Variants in YTHDF3 observed in about 807,000 individuals in gnomAD.
YTHDF3 encodes YTH N6-methyladenosine RNA binding protein F3.
YTHDF3 carries 9 observed loss-of-function variants against 52.5 expected under a neutral mutation model. That is an observed-to-expected ratio of 0.17 (90% CI 0.10 to 0.30). The LOEUF (loss-of-function observed/expected upper bound fraction) is 0.30. Among genes scored for constraint, YTHDF3 ranks in the 10% least tolerant of loss-of-function variants. The probability of loss-of-function intolerance (pLI) is 1.00; values close to 1 mark genes in which losing one functional copy is unlikely to be tolerated. For synonymous variants in YTHDF3, 274 were observed against 243.3 expected (o/e 1.13, Z -1.18); for missense variants, 534 against 715.0 (o/e 0.75, Z 2.89).
chr8:63,172,324 C>CT (rs1330552322), intron 2 of YTHDF3, among the ~76,000 whole-genome samples: 3 of 152,110 alleles, frequency 2.0e-5, no homozygotes, highest in African/African-American at 7.2e-5. Flanking sequence ...TTACTGCCTC[C>CT]TTTCTCCTCT....
chr8:63,201,233 A>G (rs1809621551), intron 4 of YTHDF3, among the ~76,000 whole-genome samples: 2 of 152,334 alleles, frequency 1.3e-5, no homozygotes, highest in East Asian at 1.9e-4. Context: ...ATGTGTTTAT[A>G]TAGAGATTTA....
Position 63,187,560 on chromosome 8 carries a change from C to T in YTHDF3, c.1549C>T (p.Arg517Trp). Reference protein sequence around the residue: ...FVKDVPNNQLRHIRLENNDNK... With the variant: ...FVKDVPNNQLWHIRLENNDNK... ...CAAAGATGTTCCCAATAACCAATTACGGCATATTCGCTTAGAAAATAATGA... is the reference window on the plus strand; with the variant it reads ...CAAAGATGTTCCCAATAACCAATTATGGCATATTCGCTTAGAAAATAATGA... The change falls in exon 4 of 5, where the codon CGG (arginine) becomes TGG (tryptophan). Residue 517 changes from arginine (R) to tryptophan (W), a missense_variant. Arg to Trp is a moderately radical substitution (Grantham distance 101). Transcript: ENST00000539294. The T allele has an allele frequency of 1.9e-6, 3 of 1,613,866 alleles. No homozygotes were observed. The highest frequency in any genetic ancestry group is 1.7e-6 in the Non-Finnish European group (2 of 1,179,852).
intron 4 of YTHDF3, 73 bp from the exon 5 acceptor site, chr8:63,209,610 T>C (rs1386110232): frequency 1.4e-5 from 20 of 1,387,996 alleles, no homozygotes; most frequent in East Asian, 9.9e-5. Context: ...TATGTGCATA[T>C]AGTTTAAATC....
intron 4 of YTHDF3, among the ~76,000 whole-genome samples, chr8:63,207,586 A>G (rs1452101012): frequency 1.3e-5 from 2 of 152,102 alleles, no homozygotes; most frequent in African/African-American, 4.8e-5. Flanking sequence ...CGTATTATCT[A>G]TGTAATCTAT....
chr8:63,176,526 C>G (rs10112440), intron 3 of YTHDF3, among the ~76,000 whole-genome samples: 2 of 151,982 alleles, frequency 1.3e-5, no homozygotes, highest in Middle Eastern at 3.4e-3. Context: ...ATGATCCGCC[C>G]GCCTCGGCCT....
At chr8:63,192,780 G>C (rs943236857) in intron 4 of YTHDF3, among the ~76,000 whole-genome samples, 1 of 148,812 alleles carries the variant, frequency 6.7e-6, no homozygotes, top group Non-Finnish European at 1.5e-5. Flanking sequence ...GAACAAATTA[G>C]TGGTATTTTA....
intron 4 of YTHDF3, among the ~76,000 whole-genome samples, chr8:63,190,879 G>A (rs933041852): frequency 1.3e-5 from 2 of 151,958 alleles, no homozygotes; most frequent in African/African-American, 2.4e-5. Flanking sequence ...CTTTTGTCAC[G>A]TTGCTGCCAC....
intron 4 of YTHDF3, among the ~76,000 whole-genome samples, chr8:63,208,419 T>G: frequency 6.6e-6 from 1 of 152,152 alleles, no homozygotes; most frequent in East Asian, 1.9e-4. Flanking sequence ...AAAAATAAAA[T>G]GAGAGTAGCA....
Position 63,186,914 on chromosome 8 carries a change from C to T in YTHDF3, c.903C>T (p.Ile301=). 6.2e-7 allele frequency: 1 copy of T among 1,614,004 alleles called. No homozygotes were observed. Among genetic ancestry groups the T allele is most frequent in the Non-Finnish European group, 8.5e-7 (1 of 1,179,900 alleles). The change falls in exon 4 of 5, where the codon ATC becomes ATT. Residue 301 remains isoleucine, a synonymous_variant. Transcript: ENST00000539294. ...TQPVLPPQTI[I]QQPQPLIQPP... is the part of the protein sequence containing the mutation. ...CAGTTCTGCCTCCTCAAACTATAATCCAGCAGCCTCAGCCATTAATTCAAC... is the reference window on the plus strand; with the variant it reads ...CAGTTCTGCCTCCTCAAACTATAATTCAGCAGCCTCAGCCATTAATTCAAC...
In YTHDF3 at chr8:63,204,605, T is replaced by G. The variant is rs150486377; in HGVS notation, c.1735-5078T>G. 6.2e-3 allele frequency among the ~76,000 whole-genome samples: 941 copies of G among 152,248 alleles called. 15 individuals are homozygous for G. Among genetic ancestry groups the G allele is most frequent in the African/African-American group, 0.022 (908 of 41,576 alleles). On this transcript the variant is annotated intron_variant, in intron 4 of 4. Transcript: ENST00000539294. ...TCGAACTCCTCACCTCAGGTGATCC[T>G]CCCACCTTGGCCTCCCAAAGTGTTG...
intron 4 of YTHDF3, among the ~76,000 whole-genome samples, chr8:63,205,528 G>A (rs1809971898): frequency 9.2e-5 from 14 of 151,662 alleles, no homozygotes; most frequent in Admixed American, 9.2e-4. Context: ...TCACCTTGTG[G>A]GTTCAAGCAA....
chr8:63,188,322 T>C (rs956978487), intron 4 of YTHDF3, among the ~76,000 whole-genome samples: 1 of 151,572 alleles, frequency 6.6e-6, no homozygotes, highest in African/African-American at 2.4e-5. Context: ...TATTTATTTA[T>C]ATTTTATATA....
At chr8:63,198,586 A>AT (rs1809387186) in intron 4 of YTHDF3, among the ~76,000 whole-genome samples, 1 of 152,088 alleles carries the variant, frequency 6.6e-6, no homozygotes, top group African/African-American at 2.4e-5. Context: ...ATTTCTGAAG[A>AT]TTTAAGTTTT....
chr8:63,177,157 C>G (rs931726746), intron 3 of YTHDF3, among the ~76,000 whole-genome samples: 25 of 152,060 alleles, frequency 1.6e-4, no homozygotes, highest in Non-Finnish European at 7.4e-5. Context: ...AACAAGGAAC[C>G]AAATCTTACT....
At chr8:63,206,823 CTG>C (rs1334735821) in intron 4 of YTHDF3, among the ~76,000 whole-genome samples, 1 of 151,690 alleles carries the variant, frequency 6.6e-6, no homozygotes, top group Non-Finnish European at 1.5e-5. Context: ...GTTTTGGAGA[CTG>C]TTAGAACCGT....
intron 4 of YTHDF3, among the ~76,000 whole-genome samples, chr8:63,203,989 T>C (rs1316409650): frequency 6.6e-6 from 1 of 152,234 alleles, no homozygotes; most frequent in Non-Finnish European, 1.5e-5. Flanking sequence ...TAAAATGTTC[T>C]GTTATTCCCT....
intron 4 of YTHDF3, among the ~76,000 whole-genome samples, chr8:63,194,603 A>G (rs1809119661): frequency 6.6e-6 from 1 of 152,196 alleles, no homozygotes; most frequent in Non-Finnish European, 1.5e-5. Context: ...CATCTGCTTT[A>G]TGGTTCTTTT....
intron 1 of YTHDF3, chr8:63,169,126 T>C: frequency 7.1e-7 from 1 of 1,415,504 alleles, no homozygotes; most frequent in Non-Finnish European, 9.2e-7. Flanking sequence ...GGACCGGTCT[T>C]AGGGGCCTTA....
Position 63,189,962 on chromosome 8 carries a change from G to C in YTHDF3, c.1734+2217G>C, listed in dbSNP as rs180942137. ...AATGAGAGAAATGGGATCAAAAGTAGCTACTGAGTCTTTCAGTTTAGCAGT... is the reference window on the plus strand; with the variant it reads ...AATGAGAGAAATGGGATCAAAAGTACCTACTGAGTCTTTCAGTTTAGCAGT... On this transcript the variant is annotated intron_variant, in intron 4 of 4. Transcript: ENST00000539294. Among the ~76,000 whole-genome samples the C allele has an allele frequency of 2.8e-3, 430 of 152,274 alleles. 2 individuals carry two copies. The highest frequency in any genetic ancestry group is 9.6e-3 in the African/African-American group (397 of 41,544).
Sources: gnomAD v4.1 joint callset for allele counts (sites outside exome capture counted in the v4.1 genomes callset) on GRCh38, gnomAD v4.1.1 for gene constraint, MANE v1.5 for transcripts, NCBI Gene and HGNC (gene_info 2026-07-23, HGNC 2026-07-21) for gene names.